The following VPS51 variants were observed in gnomAD, a reference collection of about 807,000 sequenced individuals.
The protein encoded by VPS51 is VPS51 subunit of GARP complex, also known as vacuolar protein sorting-associated protein 51 homolog.
A neutral mutation model predicts 65.1 loss-of-function variants in VPS51; 55 were observed. That is an observed-to-expected ratio of 0.84 (90% CI 0.68 to 1.06). The LOEUF (loss-of-function observed/expected upper bound fraction) is 1.06, where lower values mean the gene tolerates loss of function less well. VPS51 is among the 50% of genes least tolerant of loss of function. VPS51 has a pLI of 0.00. For missense variants in VPS51, 943 were observed against 1,101.6 expected (o/e 0.86, Z 2.04); for synonymous variants, 473 against 489.5 (o/e 0.97, Z 0.44).
intron 2 of VPS51, among the ~76,000 whole-genome samples, chr11:65,102,227 A>T (rs940328022): frequency 6.6e-6 from 1 of 152,102 alleles, no homozygotes; most frequent in Admixed American, 6.6e-5. Context: ...CATGTTGGTC[A>T]GGCAGGTGAC....
chr11:65,104,022 G>C (rs1472889358), intron 2 of VPS51, among the ~76,000 whole-genome samples: 1 of 151,926 alleles, frequency 6.6e-6, no homozygotes. Flanking sequence ...TGTGCCTCCA[G>C]GGTTCAAGCG....
rs748275382 is a variant in VPS51, at chr11:65,108,200, G to A, written c.729G>A (p.Glu243=). 11 of 1,600,280 alleles carry A rather than the reference G, an allele frequency of 6.9e-6. No homozygotes were observed. Among genetic ancestry groups the A allele is most frequent in the Admixed American group, 6.7e-5 (4 of 59,290 alleles). ...LAQQLRQRFR[E]GGSGAPEQAE... Reference sequence around the variant, plus strand: ...TCACTACCTCTCCCTCGTGCAGGGAGGGCGGCTCAGGCGCCCCGGAGCAGG... The same window carrying A: ...TCACTACCTCTCCCTCGTGCAGGGAAGGCGGCTCAGGCGCCCCGGAGCAGG... Residue 243 remains glutamate (E), a synonymous_variant, in exon 5 of 10, where the codon GAG becomes GAA. Transcript: ENST00000279281.
intron 4 of VPS51, 30 bp from the exon 5 acceptor site, chr11:65,108,167 C>G (rs750825447): frequency 1.3e-6 from 2 of 1,590,704 alleles, no homozygotes; most frequent in African/African-American, 2.7e-5. Flanking sequence ...CAGCCCCGGC[C>G]CTGCCCTTCA....
chr11:65,108,260 G>A lies in VPS51; in HGVS notation c.789G>A (p.Glu263=). The part of the protein sequence containing the change: ...ECVELLLALG[E]PAEELCEEFL... Reference sequence around the variant, plus strand: ...TGGAGCTGCTGCTGGCCCTGGGCGAGCCTGCGGAGGAGCTGTGCGAGGAGT... The same window carrying A: ...TGGAGCTGCTGCTGGCCCTGGGCGAACCTGCGGAGGAGCTGTGCGAGGAGT... The change falls in exon 5 of 10, where the codon GAG becomes GAA. Residue 263 remains glutamate, a synonymous_variant. Coordinates refer to ENST00000279281, the MANE Select transcript of VPS51 (RefSeq NM_013265.4). The A allele has an allele frequency of 6.3e-7, 1 of 1,598,230 alleles. No homozygotes were observed.
At position 65,107,522 on chromosome 11, in the gene VPS51, A is replaced by G; in HGVS notation, c.359-59A>G. ...TGAAGGGGTGGGTGAGAAGGAGCTG[A>G]GGTTGCGCCCGCCCTGCAGTCACCT... On this transcript the variant is annotated intron_variant, in intron 2 of 9. Transcript: ENST00000279281. This position sits in a 1 kb window ranked among gnomAD's most constrained non-coding sequence, Gnocchi z 4.0. 1 of 1,533,136 alleles carries G rather than the reference A, an allele frequency of 6.5e-7. No homozygotes were observed. Among genetic ancestry groups the G allele is most frequent in the Non-Finnish European group, 8.8e-7 (1 of 1,135,256 alleles). The allele number at this position is 1,533,136 out of a possible 1,614,324, so 95.0% of individuals were successfully genotyped here.
Position 65,096,245 on chromosome 11 carries a change from G to A in VPS51, c.-6G>A, listed in dbSNP as rs1306236402. 2.6e-6 allele frequency: 4 copies of A among 1,526,730 alleles called. No homozygotes were observed. The highest frequency in any genetic ancestry group is 3.5e-6 in the Non-Finnish European group (4 of 1,140,396). The allele number at this position is 1,526,730 out of a possible 1,614,324, so 94.6% of individuals were successfully genotyped here. A position where few individuals can be genotyped will look rare whatever the true frequency, so the allele number is the denominator to read the frequency against. On this transcript the variant is annotated 5_prime_UTR_variant, in exon 1 of 10. Coordinates refer to ENST00000279281, the MANE Select transcript of VPS51 (RefSeq NM_013265.4). Reference sequence around the variant, plus strand: ...AGCCTCACGCCCGTGGGCTGCAGTTGGAACGATGGCGGCGGCAGCTGCCGC... The same window carrying A: ...AGCCTCACGCCCGTGGGCTGCAGTTAGAACGATGGCGGCGGCAGCTGCCGC...
chr11:65,099,111 C>G (rs1313545122), intron 2 of VPS51, among the ~76,000 whole-genome samples: 1 of 152,090 alleles, frequency 6.6e-6, no homozygotes, highest in Admixed American at 6.6e-5. Flanking sequence ...TTGCTTGAAC[C>G]CAGGAGGTGG....
chr11:65,110,124 C>A, intron 7 of VPS51: 1 of 657,906 alleles, frequency 1.5e-6, no homozygotes, highest in Non-Finnish European at 2.6e-6. Context: ...GGATGAAGAC[C>A]AAACGGGCTG....
chr11:65,102,316 T>C (rs1484790919), intron 2 of VPS51, among the ~76,000 whole-genome samples: 2 of 152,226 alleles, frequency 1.3e-5, no homozygotes, highest in Non-Finnish European at 2.9e-5. Flanking sequence ...CTGCTTTTCT[T>C]AACAAGCTTG....
chr11:65,100,701 T>G (rs1947802557), intron 2 of VPS51, among the ~76,000 whole-genome samples: 1 of 151,950 alleles, frequency 6.6e-6, no homozygotes, highest in Non-Finnish European at 1.5e-5. Flanking sequence ...CGCCTAATTT[T>G]TTTATTTTTA....
Position 65,108,235 on chromosome 11 carries a change from TGGA to T in VPS51, c.766_768del (p.Glu256del). The T allele has an allele frequency of 6.2e-7, 1 of 1,600,044 alleles. No homozygotes were observed. Among genetic ancestry groups the T allele is most frequent in the Non-Finnish European group, 8.5e-7 (1 of 1,175,210 alleles). On this transcript the variant is annotated inframe_deletion, in exon 5 of 10. Transcript: ENST00000279281. ...GGCGCCCCGGAGCAGGCAGAGTGCG[TGGA>T]GCTGCTGCTGGCCCTGGGCGAGCCT...
In VPS51 at chr11:65,109,795, G is replaced by C; in HGVS notation, c.1750G>C (p.Gly584Arg). 1 of 1,608,070 alleles carries C rather than the reference G, an allele frequency of 6.2e-7. No individual in the cohort carries two copies. The highest frequency in any genetic ancestry group is 8.5e-7 in the Non-Finnish European group (1 of 1,178,068). ...GCTGACCCACTACGTGAAGGTGCAG[G>C]GCCTGGTCATATCACAGATGCTGCG... ...RLLTHYVKVQ[G>R]LVISQMLRKS... Residue 584 changes from glycine (G) to arginine (R), a missense_variant, in exon 7 of 10, where the codon GGC (glycine) becomes CGC (arginine). Gly to Arg is a moderately radical substitution (Grantham distance 125, BLOSUM62 -2). Transcript: ENST00000279281.
chr11:65,096,504 GTGC>G, intron 1 of VPS51, 26 bp downstream of exon 1: 38 of 1,083,686 alleles, frequency 3.5e-5, no homozygotes, highest in East Asian at 8.3e-5. Context: ...GAGTGGGGGG[GTGC>G]GGGGAGGGGG....
intron 2 of VPS51, among the ~76,000 whole-genome samples, chr11:65,106,395 ATCT>A (rs1947841747): frequency 6.6e-6 from 1 of 152,240 alleles, no homozygotes. Flanking sequence ...GAAGCAAGGC[ATCT>A]TCTTCACAAG....
Position 65,110,764 on chromosome 11 carries a change from C to T in VPS51, c.2071C>T (p.Pro691Ser). ...LFSERIDVFS[P>S]VEFNKVSVLT... ...CTCTGAACGTATTGATGTGTTCAGC[C>T]CTGTGGAGTTCAACAAGGTCCGACT... The change falls in exon 9 of 10, where the codon CCT (proline) becomes TCT (serine). Residue 691 changes from proline to serine, a missense_variant. Pro to Ser is a moderately conservative substitution (Grantham distance 74). Transcript: ENST00000279281. 1 of 1,614,108 alleles carries T rather than the reference C, an allele frequency of 6.2e-7. No individual in the cohort carries two copies.
At position 65,111,431 on chromosome 11, in the gene VPS51, C is replaced by G; in HGVS notation, c.2193C>G (p.Asp731Glu). The G allele has an allele frequency of 6.2e-7, 1 of 1,613,848 alleles. No homozygotes were observed. Among genetic ancestry groups the G allele is most frequent in the Non-Finnish European group, 8.5e-7 (1 of 1,180,052 alleles). ...GRFGLQQVQV[D>E]CHFLQLYLWR... ...TCGGGCTGCAGCAGGTGCAAGTGGACTGCCACTTTCTGCAGCTCTACCTGT... is the reference window on the plus strand; with the variant it reads ...TCGGGCTGCAGCAGGTGCAAGTGGAGTGCCACTTTCTGCAGCTCTACCTGT... The change falls in exon 10 of 10, where the codon GAC (aspartate) becomes GAG (glutamate). Residue 731 changes from aspartate (D) to glutamate (E), a missense_variant. Physicochemically the swap from Asp to Glu is conservative, Grantham distance 45. Coordinates refer to ENST00000279281, the MANE Select transcript of VPS51 (RefSeq NM_013265.4).
Position 65,107,884 on chromosome 11 carries a change from A to G in VPS51, c.587A>G (p.Tyr196Cys), listed in dbSNP as rs762499687. The part of the protein sequence containing the change: ...RLTKCVELGA[Y>C]GQAVRYQGRA... The stretch of plus-strand genomic sequence containing the variant: ...ACCAAGTGCGTGGAACTGGGCGCCT[A>G]TGGGCAGGCGGTGCGCTACCAGGGC... Residue 196 changes from tyrosine to cysteine, a missense_variant, in exon 4 of 10, where the codon TAT becomes TGT. Physicochemically the swap from Tyr to Cys is radical, Grantham distance 194 (BLOSUM62 -2). This residue lies in a region of VPS51 where 855 missense variants were observed against 953.7 expected (regional missense o/e 0.90). Transcript: ENST00000279281. The surrounding 1 kb of genome is among the most constrained non-coding windows in gnomAD (Gnocchi z 4.0). 15 of 1,551,752 alleles carry G rather than the reference A, an allele frequency of 9.7e-6. 1 individual carries two copies. The South Asian group carries it at 1.1e-4, about 11-fold the overall frequency.
In VPS51 at chr11:65,103,838, A is replaced by G. The variant is rs182228090; in HGVS notation, c.359-3743A>G. 3.9e-5 allele frequency among the ~76,000 whole-genome samples: 6 copies of G among 152,120 alleles called. No homozygotes were observed. In the East Asian group the frequency reaches 9.6e-4, roughly 24 times the overall value. Reference sequence around the variant, plus strand: ...AGAATACCTCTTTCAATCTTTGACAATCTGAGAAGTGAAAAGTGGTATCTC... The same window carrying G: ...AGAATACCTCTTTCAATCTTTGACAGTCTGAGAAGTGAAAAGTGGTATCTC... On this transcript the variant is annotated intron_variant, in intron 2 of 9. Coordinates refer to ENST00000279281, the MANE Select transcript of VPS51 (RefSeq NM_013265.4).
Position 65,111,694 on chromosome 11 carries a change from A to C in VPS51, c.*107A>C, listed in dbSNP as rs984896336. 9 of 1,409,528 alleles carry C rather than the reference A, an allele frequency of 6.4e-6. No individual in the cohort carries two copies. The highest frequency in any genetic ancestry group is 2.9e-5 in the South Asian group (2 of 69,630). The allele number at this position is 1,409,528 out of a possible 1,614,324, so 87.3% of individuals were successfully genotyped here. ...AGGTGTCAGGACCGGCCTAATAAACATGTGTGGCCTCCTCCTCTCGCTTGC... is the reference window on the plus strand; with the variant it reads ...AGGTGTCAGGACCGGCCTAATAAACCTGTGTGGCCTCCTCCTCTCGCTTGC... On this transcript the variant is annotated 3_prime_UTR_variant, in exon 10 of 10. Transcript: ENST00000279281.
Sources: gnomAD v4.1 joint callset for allele counts (sites outside exome capture counted in the v4.1 genomes callset) on GRCh38, gnomAD v4.1.1 for gene constraint, gnomAD v4.1.1 regional missense constraint, Gnocchi (gnomAD v3.1) non-coding constraint, MANE v1.5 for transcripts, NCBI Gene and HGNC (gene_info 2026-07-23, HGNC 2026-07-21) for gene names.